Variants in TMEM117 observed in about 807,000 individuals in gnomAD.
TMEM117 encodes the protein transmembrane protein 117.
Under a neutral mutation model 52.4 loss-of-function variants are expected in TMEM117, and 27 were observed. The ratio of observed to expected loss-of-function variants is 0.51; its 90% CI spans 0.38 to 0.71. The LOEUF (loss-of-function observed/expected upper bound fraction) is 0.71, where lower values mean the gene tolerates loss of function less well. TMEM117 is among the 30% of genes least tolerant of loss of function. The probability of loss-of-function intolerance (pLI) is 0.00; values close to 1 mark genes in which losing one functional copy is unlikely to be tolerated. For missense variants in TMEM117, 556 were observed against 630.5 expected (o/e 0.88, Z 1.26); for synonymous variants, 215 against 206.3 (o/e 1.04, Z -0.36).
At position 44,367,628 on chromosome 12, in the gene TMEM117, G is replaced by A. The variant is rs151169832; in HGVS notation, c.769-8967G>A. On this transcript the variant is annotated intron_variant, in intron 6 of 7. Transcript: ENST00000266534. Reference sequence around the variant, plus strand: ...TCTGTGGCCTTAGATCAATAGACTGGTGAGTCCACATCTGTATCTCCAGCC... The same window carrying A: ...TCTGTGGCCTTAGATCAATAGACTGATGAGTCCACATCTGTATCTCCAGCC... Among the ~76,000 whole-genome samples the A allele has an allele frequency of 6.1e-3, 924 of 152,094 alleles. 12 individuals carry two copies. Among genetic ancestry groups the A allele is most frequent in the African/African-American group, 0.02 (829 of 41,500 alleles).
In TMEM117 at chr12:43,991,437, T is replaced by TTATCTATCTATC. The variant is rs58794606; in HGVS notation, c.410+47122_410+47133dup. Among the ~76,000 whole-genome samples the TTATCTATCTATC allele has an allele frequency of 9.2e-3, 1,377 of 150,170 alleles. 15 individuals carry two copies. The highest frequency in any genetic ancestry group is 0.027 in the African/African-American group (1,103 of 40,580). ...ATAACCAATCCACAAATATTTATTG[T>TTATCTATCTATC]TATCTATCTATCTATCTATCTATCT... On this transcript the variant is annotated intron_variant, in intron 3 of 7. Transcript: ENST00000266534.
intron 3 of TMEM117, among the ~76,000 whole-genome samples, chr12:44,140,130 C>T (rs73288099): frequency 0.019 from 2,899 of 152,188 alleles, 79 homozygotes; most frequent in African/African-American, 0.066. Flanking sequence ...GCATCTAGCA[C>T]TTATCATATG....
At chr12:44,234,628 CA>C (rs1442174178) in intron 5 of TMEM117, among the ~76,000 whole-genome samples, 3 of 151,190 alleles carry the variant, frequency 2.0e-5, no homozygotes, top group Non-Finnish European at 3.0e-5. Flanking sequence ...TTATTTCCTA[CA>C]TTTTTTTTGC....
intron 4 of TMEM117, among the ~76,000 whole-genome samples, chr12:44,147,931 CAAAAA>C (rs61271123): frequency 3.2e-5 from 2 of 61,794 alleles, no homozygotes; most frequent in Admixed American, 1.8e-4. Flanking sequence ...GACTCTGTCT[CAAAAA>C]AAAAAAAAAA....
At chr12:43,970,771 G>A (rs745837185) in intron 3 of TMEM117, among the ~76,000 whole-genome samples, 6 of 152,052 alleles carry the variant, frequency 3.9e-5, no homozygotes, top group Non-Finnish European at 7.4e-5. Flanking sequence ...AGTTTTCTTT[G>A]GGCTCTCATC....
chr12:44,042,294 G>T (rs1167528576), intron 3 of TMEM117, among the ~76,000 whole-genome samples: 14 of 139,728 alleles, frequency 1.0e-4, no homozygotes, highest in South Asian at 9.2e-4. Flanking sequence ...TATGTTTTTG[G>T]TTTTTTTTTT....
At chr12:44,078,504 C>A (rs1440132887) in intron 3 of TMEM117, among the ~76,000 whole-genome samples, 5 of 152,188 alleles carry the variant, frequency 3.3e-5, no homozygotes, top group African/African-American at 1.2e-4. Flanking sequence ...GTATACACTG[C>A]AGGTGACACA....
At chr12:44,260,634 T>A (rs1565647686) in intron 5 of TMEM117, among the ~76,000 whole-genome samples, 1 of 152,200 alleles carries the variant, frequency 6.6e-6, no homozygotes, top group Non-Finnish European at 1.5e-5. Context: ...TAAAGTTGGT[T>A]ACTTTGGTTA....
the TMEM117 span, among the ~76,000 whole-genome samples, chr12:43,823,142 C>T: frequency 3.4e-3 from 523 of 152,242 alleles, 7 homozygotes; most frequent in East Asian, 0.021. Flanking sequence ...CTACTATCCA[C>T]TGGAATGAAA....
chr12:44,186,600 A>G (rs1431211758), intron 4 of TMEM117, among the ~76,000 whole-genome samples: 7 of 152,142 alleles, frequency 4.6e-5, no homozygotes, highest in African/African-American at 7.2e-5. Context: ...TGCAAGGAGC[A>G]TATGTTTAAA....
intron 2 of TMEM117, among the ~76,000 whole-genome samples, chr12:43,865,977 A>C (rs556174611): frequency 2.0e-5 from 3 of 151,982 alleles, no homozygotes; most frequent in African/African-American, 7.3e-5. Flanking sequence ...GGACAGTGTG[A>C]CCCATAGTCC....
rs1364230077 is a variant in TMEM117 at position 44,159,866 on chromosome 12, CT to C, written c.510+16243del. 3.3e-5 allele frequency among the ~76,000 whole-genome samples: 5 copies of C among 152,272 alleles called. No homozygotes were observed. In the South Asian group the frequency reaches 1.0e-3, roughly 32 times the overall value. On this transcript the variant is annotated intron_variant, in intron 4 of 7. Coordinates refer to ENST00000266534, the MANE Select transcript of TMEM117 (RefSeq NM_032256.3). ...AAATAATTTTAATAAAGAATCTAAGCTACCAGATGCCTGGTGAGAAACAAAG... is the reference window on the plus strand; with the variant it reads ...AAATAATTTTAATAAAGAATCTAAGCACCAGATGCCTGGTGAGAAACAAAG...
intron 2 of TMEM117, among the ~76,000 whole-genome samples, chr12:43,849,845 C>T (rs1379161642): frequency 6.6e-6 from 1 of 152,142 alleles, no homozygotes; most frequent in Non-Finnish European, 1.5e-5. Flanking sequence ...GATCCAATTT[C>T]CTAATAAACT....
intron 5 of TMEM117, among the ~76,000 whole-genome samples, chr12:44,273,543 T>C (rs1272604641): frequency 3.3e-5 from 5 of 152,020 alleles, no homozygotes; most frequent in African/African-American, 4.8e-5. Context: ...GTATATCTGA[T>C]GAATATTGAT....
chr12:44,178,923 A>G (rs971080518), intron 4 of TMEM117, among the ~76,000 whole-genome samples: 6 of 152,088 alleles, frequency 3.9e-5, no homozygotes, highest in Admixed American at 3.3e-4. Context: ...GCTGGGTGCA[A>G]TGGCTCACAC....
intron 4 of TMEM117, among the ~76,000 whole-genome samples, chr12:44,209,626 A>AAC (rs1949618989): frequency 1.3e-5 from 2 of 152,132 alleles, no homozygotes; most frequent in African/African-American, 4.8e-5. Context: ...GCCACAAATT[A>AAC]TTGTAGGCCC....
At chr12:43,866,137 A>C (rs1284165995) in intron 2 of TMEM117, among the ~76,000 whole-genome samples, 1 of 151,850 alleles carries the variant, frequency 6.6e-6, no homozygotes, top group Non-Finnish European at 1.5e-5. Context: ...ATAAAAGATA[A>C]AGAGAAAATT....
In TMEM117 at chr12:43,889,488, T is replaced by G. The variant is rs115311990; in HGVS notation, c.277+44560T>G. ...ATGCTGCCACTGATCTGACAGGAGG[T>G]GGAGCCCAGGCAGTAATGCTTGCTC... is the stretch of plus-strand genomic sequence containing the variant. On this transcript the variant is annotated intron_variant, in intron 2 of 7. Coordinates refer to ENST00000266534, the MANE Select transcript of TMEM117 (RefSeq NM_032256.3). Among the ~76,000 whole-genome samples the G allele has an allele frequency of 7.0e-3, 1,067 of 152,290 alleles. 17 individuals carry two copies. The highest frequency in any genetic ancestry group is 0.024 in the African/African-American group (1,005 of 41,564).
intron 5 of TMEM117, among the ~76,000 whole-genome samples, chr12:44,259,794 A>G (rs1363948294): frequency 2.6e-5 from 4 of 152,192 alleles, no homozygotes; most frequent in Admixed American, 6.6e-5. Context: ...TGAAACATGT[A>G]TTTTTAAAAA....
Sources: allele counts gnomAD v4.1 joint callset (sites outside exome capture counted in the v4.1 genomes callset), GRCh38; gene constraint gnomAD v4.1.1; transcripts MANE v1.5; gene names NCBI Gene and HGNC (gene_info 2026-07-23, HGNC 2026-07-21).